The following CSF1 variants were observed in gnomAD, a reference collection of about 807,000 sequenced individuals.
CSF1 encodes the protein colony stimulating factor 1.
A neutral mutation model predicts 48.9 loss-of-function variants in CSF1; 9 were observed. That is an observed-to-expected ratio of 0.18 (90% CI 0.11 to 0.32). CSF1 has a LOEUF of 0.32. Among genes scored for constraint, CSF1 ranks in the 10% least tolerant of loss-of-function variants. CSF1 has a pLI of 1.00. For synonymous variants in CSF1, 305 were observed against 284.1 expected (o/e 1.07, Z -0.74); for missense variants, 672 against 697.9 (o/e 0.96, Z 0.42).
chr1:109,910,551 G>A (rs566068619), upstream of CSF1: 132 of 325,202 alleles, frequency 4.1e-4, no homozygotes, highest in East Asian at 1.9e-3. Context: ...TCCGCAGAGG[G>A]CGCGGGGAAG....
intron 5 of CSF1, 132 bp downstream of exon 5, chr1:109,922,126 A>G (rs1056039415): frequency 3.0e-5 from 32 of 1,078,176 alleles, no homozygotes; most frequent in Non-Finnish European, 3.7e-5. Flanking sequence ...GTGTGCATGA[A>G]TGTGCTTGTT....
At chr1:109,917,576 T>C in intron 4 of CSF1, 113 bp downstream of exon 4, 1 of 1,059,346 alleles carries the variant, frequency 9.4e-7, no homozygotes, top group Non-Finnish European at 1.4e-6. Flanking sequence ...CGCCATTGCT[T>C]GCTCACTCTC....
Position 109,930,703 on chromosome 1 carries a change from T to C in CSF1, c.*1865T>C, listed in dbSNP as rs983134417. ...ATCCCCCTACCTTAAACATATAATA[T>C]TTTAAAGGTCAAAAAAGCAATCCAA... On this transcript the variant is annotated 3_prime_UTR_variant, in exon 9 of 9. Coordinates refer to ENST00000329608, the MANE Select transcript of CSF1 (RefSeq NM_000757.6). 2 of 152,122 alleles carry C rather than the reference T, an allele frequency of 1.3e-5. No individual in the cohort carries two copies. The highest frequency in any genetic ancestry group is 4.8e-5 in the African/African-American group (2 of 41,416). 9.4% of individuals were successfully genotyped at this position (152,122 alleles called of 1,614,324 possible).
In CSF1 at chr1:109,923,786, C is replaced by T; in HGVS notation, c.1165C>T (p.His389Tyr). The T allele has an allele frequency of 1.2e-6, 2 of 1,608,298 alleles. No individual in the cohort carries two copies. Among genetic ancestry groups the T allele is most frequent in the East Asian group, 2.2e-5 (1 of 44,816 alleles). The change falls in exon 6 of 9, where the codon CAT becomes TAT. Residue 389 changes from histidine to tyrosine, a missense_variant. Around this residue, in one of 3 missense-constraint regions of CSF1, gnomAD observed 591 missense variants for 593.6 expected, o/e 1.00. Transcript: ENST00000329608. The stretch of plus-strand genomic sequence containing the variant: ...GAATCACACCCCCCAGAAGACAGAC[C>T]ATCCATCTGCCCTGCTCAGAGACCC... ...DWNHTPQKTD[H>Y]PSALLRDPPE...
intron 4 of CSF1, among the ~76,000 whole-genome samples, chr1:109,921,570 C>T (rs1173559429): frequency 6.6e-6 from 1 of 152,136 alleles, no homozygotes; most frequent in Non-Finnish European, 1.5e-5. Flanking sequence ...ACTCAGTGTC[C>T]AACTCAGCCA....
chr1:109,916,670 C>G (rs1402540928), intron 3 of CSF1, among the ~76,000 whole-genome samples: 1 of 152,214 alleles, frequency 6.6e-6, no homozygotes, highest in Non-Finnish European at 1.5e-5. Context: ...ATATGCACCT[C>G]TGTTAGGACT....
At chr1:109,922,883 C>T (rs992977542) in intron 5 of CSF1, among the ~76,000 whole-genome samples, 8 of 152,174 alleles carry the variant, frequency 5.3e-5, no homozygotes, top group Non-Finnish European at 1.0e-4. Context: ...GTGGGAACCC[C>T]TGCATGGGCT....
chr1:109,919,494 G>T (rs759919427), intron 4 of CSF1, among the ~76,000 whole-genome samples: 8 of 152,192 alleles, frequency 5.3e-5, no homozygotes, highest in Non-Finnish European at 5.9e-5. Context: ...CTCCCAGAGT[G>T]CTGGGATTAC....
chr1:109,912,206 A>G (rs1654718865), intron 1 of CSF1, among the ~76,000 whole-genome samples: 1 of 151,990 alleles, frequency 6.6e-6, no homozygotes. Flanking sequence ...AAAGAAGAGA[A>G]AGACAAGGGG....
At chr1:109,919,429 A>G (rs961109387) in intron 4 of CSF1, among the ~76,000 whole-genome samples, 5 of 152,150 alleles carry the variant, frequency 3.3e-5, no homozygotes, top group Admixed American at 1.3e-4. Flanking sequence ...GGGTTTCGCA[A>G]TGTTGCCCAG....
In CSF1 at chr1:109,929,845, T is replaced by A. The variant is rs554471976; in HGVS notation, c.*1007T>A. 6.5e-6 allele frequency: 1 copy of A among 152,714 alleles called. No homozygotes were observed. The highest frequency in any genetic ancestry group is 1.9e-4 in the East Asian group (1 of 5,164). 9.5% of individuals were successfully genotyped at this position (152,714 alleles called of 1,614,324 possible). A position where few individuals can be genotyped will look rare whatever the true frequency, so the allele number is the denominator to read the frequency against. Reference sequence around the variant, plus strand: ...AGTGGAGTGGGGTGGGAGAACCTCCTGGGCCGCCAGCCAGAGCCGGTCTTT... The same window carrying A: ...AGTGGAGTGGGGTGGGAGAACCTCCAGGGCCGCCAGCCAGAGCCGGTCTTT... On this transcript the variant is annotated 3_prime_UTR_variant, in exon 9 of 9. Transcript: ENST00000329608.
intron 8 of CSF1, among the ~76,000 whole-genome samples, chr1:109,928,523 C>T (rs1023470453): frequency 5.3e-5 from 8 of 152,228 alleles, no homozygotes; most frequent in East Asian, 1.9e-4. Context: ...GTGCCCGCTT[C>T]GCTCCTTGTC....
intron 1 of CSF1, among the ~76,000 whole-genome samples, chr1:109,912,475 C>A (rs967105252): frequency 1.3e-5 from 2 of 152,132 alleles, no homozygotes; most frequent in Non-Finnish European, 2.9e-5. Flanking sequence ...AGAGTGTTAA[C>A]CCCCCACTGT....
At chr1:109,919,504 C>T (rs1193502015) in intron 4 of CSF1, among the ~76,000 whole-genome samples, 1 of 152,158 alleles carries the variant, frequency 6.6e-6, no homozygotes, top group Admixed American at 6.5e-5. Flanking sequence ...GCTGGGATTA[C>T]AAATGTGAGT....
Position 109,911,044 on chromosome 1 carries a change from C to A in CSF1, c.21C>A (p.Ala7=). The A allele has an allele frequency of 8.8e-7, 1 of 1,132,570 alleles. No individual in the cohort carries two copies. The highest frequency in any genetic ancestry group is 1.1e-6 in the Non-Finnish European group (1 of 925,134). The allele number at this position is 1,132,570 out of a possible 1,614,324, so 70.2% of individuals were successfully genotyped here. MTAPGA[A]GRCPPTTWLG... ...CCCGTATGACCGCGCCGGGCGCCGC[C>A]GGGCGCTGCCCTCCCACGGTAAGCG... Residue 7 remains alanine, a synonymous_variant, in exon 1 of 9, where the codon GCC becomes GCA. Transcript: ENST00000329608.
In CSF1 at chr1:109,923,623, G is replaced by T. The variant is rs775824209; in HGVS notation, c.1002G>T (p.Gln334His). Reference sequence around the variant, plus strand: ...CCAGGCCAGGAGGGGGCAGCATGCAGACAGAGCCCGCCAGACCCAGCAACT... The same window carrying T: ...CCAGGCCAGGAGGGGGCAGCATGCATACAGAGCCCGCCAGACCCAGCAACT... ...SPSRPGGGSM[Q>H]TEPARPSNFL... Residue 334 changes from glutamine to histidine, a missense_variant, in exon 6 of 9, where the codon CAG becomes CAT. Coordinates refer to ENST00000329608, the MANE Select transcript of CSF1 (RefSeq NM_000757.6). The T allele has an allele frequency of 6.2e-7, 1 of 1,614,102 alleles. No individual in the cohort carries two copies. The highest frequency in any genetic ancestry group is 8.5e-7 in the Non-Finnish European group (1 of 1,179,986).
chr1:109,919,817 C>T (rs1469246427), intron 4 of CSF1, among the ~76,000 whole-genome samples: 1 of 151,836 alleles, frequency 6.6e-6, no homozygotes. Flanking sequence ...AAATTAGCAG[C>T]TGGTGGTGGC....
At position 109,930,733 on chromosome 1, in the gene CSF1, C is replaced by T. The variant is rs150127557; in HGVS notation, c.*1895C>T. On this transcript the variant is annotated 3_prime_UTR_variant, in exon 9 of 9. Transcript: ENST00000329608. The stretch of plus-strand genomic sequence containing the variant: ...AAGGTCAAAAAAGCAATCCAACCCA[C>T]TGCAGAAGCTCTTTTTGAGCACTTG... The T allele has an allele frequency of 2.0e-5, 3 of 152,354 alleles. No individual in the cohort carries two copies. The highest frequency in any genetic ancestry group is 2.9e-5 in the Non-Finnish European group (2 of 68,032). The allele number at this position is 152,354 out of a possible 1,614,324, so 9.4% of individuals were successfully genotyped here.
chr1:109,924,577 T>G (rs974636770), intron 6 of CSF1, among the ~76,000 whole-genome samples, 199 bp from the exon 7 acceptor site: 2 of 151,920 alleles, frequency 1.3e-5, no homozygotes, highest in African/African-American at 4.8e-5. Context: ...TGCAAGGGTG[T>G]GGGGAGAGGA....
Sources: gnomAD v4.1 joint callset for allele counts (sites outside exome capture counted in the v4.1 genomes callset) on GRCh38, gnomAD v4.1.1 for gene constraint, gnomAD v4.1.1 regional missense constraint, MANE v1.5 for transcripts, NCBI Gene and HGNC (gene_info 2026-07-23, HGNC 2026-07-21) for gene names.